Variants in CASQ2 observed in about 807,000 individuals in gnomAD.
CASQ2 encodes calsequestrin 2.
Under a neutral mutation model 46.5 loss-of-function variants are expected in CASQ2, and 49 were observed. The ratio of observed to expected loss-of-function variants is 1.05; its 90% CI spans 0.84 to 1.34. The LOEUF is 1.34. Among genes scored for constraint, CASQ2 ranks in the 40% most tolerant of loss-of-function variants. CASQ2 has a pLI of 0.00. For synonymous variants in CASQ2, 174 were observed against 168.5 expected, an observed-to-expected ratio of 1.03 and a Z score of -0.25; for missense variants, 486 against 481.3, an observed-to-expected ratio of 1.01 and a Z score of -0.09.
At chr1:115,756,956 A>G (rs1648784636) in intron 1 of CASQ2, among the ~76,000 whole-genome samples, 1 of 152,116 alleles carries the variant, frequency 6.6e-6, no homozygotes, top group African/African-American at 2.4e-5. Context: ...CTCTGTCTCT[A>G]AATAAATAAA....
intron 1 of CASQ2, among the ~76,000 whole-genome samples, chr1:115,766,920 A>AGAT (rs1557809150): frequency 4.9e-4 from 68 of 139,088 alleles, no homozygotes; most frequent in African/African-American, 1.8e-3. Context: ...GATAGATAGA[A>AGAT]GGATGATAGA....
chr1:115,726,299 A>C (rs955673333), intron 6 of CASQ2, among the ~76,000 whole-genome samples: 1 of 152,208 alleles, frequency 6.6e-6, no homozygotes, highest in African/African-American at 2.4e-5. Flanking sequence ...CTGGTGGGAC[A>C]AATCCAGCCA....
intron 4 of CASQ2, among the ~76,000 whole-genome samples, chr1:115,737,612 C>T (rs900095977): frequency 6.6e-6 from 1 of 152,228 alleles, no homozygotes; most frequent in Non-Finnish European, 1.5e-5. Context: ...TCCTGACTCA[C>T]CCCCACCACC....
intron 2 of CASQ2, among the ~76,000 whole-genome samples, chr1:115,744,161 A>AG: frequency 6.6e-6 from 1 of 152,082 alleles, no homozygotes; most frequent in Admixed American, 6.6e-5. Context: ...AAAAAAAGAA[A>AG]AAAAGAAAAG....
chr1:115,763,976 G>T (rs1649043592), intron 1 of CASQ2, among the ~76,000 whole-genome samples: 1 of 152,120 alleles, frequency 6.6e-6, no homozygotes, highest in Non-Finnish European at 1.5e-5. Context: ...GGCCACTGTG[G>T]TGTGACTAAA....
rs147952170 is a variant in CASQ2 at position 115,739,161 on chromosome 1, G to T, written c.421-826C>A. Among the ~76,000 whole-genome samples the T allele has an allele frequency of 2.7e-3, 277 of 101,462 alleles. 3 individuals carry two copies. The highest frequency in any genetic ancestry group is 0.01 in the Middle Eastern group (1 of 96). 66.6% of individuals were successfully genotyped at this position (101,462 alleles called of 152,430 possible). A position where few individuals can be genotyped will look rare whatever the true frequency, so the allele number is the denominator to read the frequency against. On this transcript the variant is annotated intron_variant, in intron 3 of 10. Transcript: ENST00000261448. ...GAGTCATGCTGTGTTGCCCAGGCTG[G>T]AGTGCAGTGGCACGATCTAGGCTCA...
intron 10 of CASQ2, 59 bp downstream of exon 10, chr1:115,702,862 G>T: frequency 8.0e-7 from 1 of 1,256,260 alleles, no homozygotes; most frequent in Non-Finnish European, 1.2e-6. Flanking sequence ...TCTAAGCTGT[G>T]TAGCAGAAGA....
intron 1 of CASQ2, among the ~76,000 whole-genome samples, chr1:115,766,117 C>T (rs1649125124): frequency 6.6e-6 from 1 of 152,218 alleles, no homozygotes; most frequent in South Asian, 2.1e-4. Flanking sequence ...CGCCTCCAGG[C>T]CATGTACTTC....
chr1:115,728,088 T>C (rs1373889434), intron 5 of CASQ2, among the ~76,000 whole-genome samples: 1 of 152,190 alleles, frequency 6.6e-6, no homozygotes, highest in Non-Finnish European at 1.5e-5. Flanking sequence ...TGGTTCCCTT[T>C]AAGCTGAAGA....
At chr1:115,705,153 A>G (rs372674391) in intron 9 of CASQ2, 39 bp downstream of exon 9, 18 of 1,264,128 alleles carry the variant, frequency 1.4e-5, no homozygotes, top group East Asian at 4.6e-5. Context: ...TGAGGTTGTG[A>G]CAGCAACTGA....
Position 115,768,301 on chromosome 1 carries a change from T to C in CASQ2, c.234+7A>G. 6.3e-7 allele frequency: 1 copy of C among 1,590,700 alleles called. No individual in the cohort carries two copies. Among genetic ancestry groups the C allele is most frequent in the Non-Finnish European group, 8.6e-7 (1 of 1,158,768 alleles). On this transcript the variant is annotated splice_region_variant and intron_variant, in intron 1 of 10. Coordinates refer to ENST00000261448, the MANE Select transcript of CASQ2 (RefSeq NM_001232.4). ...CAGCGCAGACAGCATGCCCTTTGGT[T>C]ACTTACCTCAAGCACGATTTCTTTC... is the stretch of plus-strand genomic sequence containing the variant.
chr1:115,760,246 C>G (rs1030713185), intron 1 of CASQ2, among the ~76,000 whole-genome samples: 1 of 152,200 alleles, frequency 6.6e-6, no homozygotes, highest in Admixed American at 6.5e-5. Context: ...ATCTGGAAAA[C>G]TTTCCCAACC....
chr1:115,721,181 T>C (rs1476640322), intron 7 of CASQ2, among the ~76,000 whole-genome samples: 4 of 152,164 alleles, frequency 2.6e-5, no homozygotes, highest in Non-Finnish European at 5.9e-5. Flanking sequence ...ATAGGGAGGC[T>C]TCTTTTAGAA....
rs181096589 is a variant in CASQ2 at position 115,768,260 on chromosome 1, C to T, written c.234+48G>A. On this transcript the variant is annotated intron_variant, in intron 1 of 10. Transcript: ENST00000261448. ...CAACCCCTGGCCAAAGGCATTCCCT[C>T]GGCACCTCACTGAGGCAGCGCAGAC... The T allele has an allele frequency of 8.5e-5, 103 of 1,216,296 alleles. 1 individual carries two copies. The East Asian group carries it at 1.3e-3, about 15-fold the overall frequency. 75.3% of individuals were successfully genotyped at this position (1,216,296 alleles called of 1,614,324 possible). A position where few individuals can be genotyped will look rare whatever the true frequency, so the allele number is the denominator to read the frequency against.
chr1:115,744,300 T>C (rs914464956), intron 2 of CASQ2, among the ~76,000 whole-genome samples: 2 of 152,198 alleles, frequency 1.3e-5, no homozygotes, highest in African/African-American at 4.8e-5. Flanking sequence ...TGCGGTCACT[T>C]AACCATACCT....
chr1:115,735,815 A>C (rs1418051220), intron 4 of CASQ2, among the ~76,000 whole-genome samples: 2 of 152,222 alleles, frequency 1.3e-5, no homozygotes, highest in African/African-American at 4.8e-5. Flanking sequence ...GACACTTTAG[A>C]GATGGAATTA....
At chr1:115,726,424 G>T (rs1401172061) in intron 6 of CASQ2, among the ~76,000 whole-genome samples, 4 of 152,186 alleles carry the variant, frequency 2.6e-5, no homozygotes, top group Admixed American at 6.5e-5. Context: ...TGCTACAGAC[G>T]CCATCTGGCC....
intron 1 of CASQ2, among the ~76,000 whole-genome samples, chr1:115,766,273 G>A (rs1456460427): frequency 2.6e-5 from 4 of 152,190 alleles, no homozygotes; most frequent in Admixed American, 2.0e-4. Flanking sequence ...GAGTAGTACC[G>A]TGTAGGTGTT....
chr1:115,739,771 T>C (rs989352725), intron 3 of CASQ2, among the ~76,000 whole-genome samples: 2 of 152,188 alleles, frequency 1.3e-5, no homozygotes, highest in African/African-American at 4.8e-5. Flanking sequence ...AAGTCTAAAG[T>C]CTCCTCTAAC....
Sources: gnomAD v4.1 joint callset for allele counts (sites outside exome capture counted in the v4.1 genomes callset) on GRCh38, gnomAD v4.1.1 for gene constraint, MANE v1.5 for transcripts, NCBI Gene and HGNC (gene_info 2026-07-23, HGNC 2026-07-21) for gene names.